SUPT3H: variants seen among roughly 807,000 people sequenced by gnomAD.
The protein encoded by SUPT3H is transcription initiation protein SPT3 homolog.
Under a neutral mutation model 44.3 loss-of-function variants are expected in SUPT3H, and 44 were observed. The ratio of observed to expected loss-of-function variants is 0.99; its 90% CI spans 0.78 to 1.28. SUPT3H has a LOEUF of 1.28. Ranked by LOEUF, SUPT3H falls within the 50% of genes most tolerant of loss-of-function variation. The probability of loss-of-function intolerance (pLI) is 0.00; values close to 1 mark genes in which losing one functional copy is unlikely to be tolerated. For synonymous variants in SUPT3H, 124 were observed against 125.6 expected (o/e 0.99, Z 0.09); for missense variants, 380 against 387.1 (o/e 0.98, Z 0.15).
intron 2 of SUPT3H, among the ~76,000 whole-genome samples, chr6:45,153,794 A>G (rs1285027): frequency 0.86 from 130,001 of 152,028 alleles, 55,900 homozygotes; most frequent in African/African-American, 0.91. Context: ...TAGGCCGGGC[A>G]CGGTGGCTCA....
chr6:44,867,963 G>GT (rs1371528399), intron 10 of SUPT3H, among the ~76,000 whole-genome samples: 5 of 75,960 alleles, frequency 6.6e-5, no homozygotes, highest in Non-Finnish European at 8.5e-5. Flanking sequence ...AACCATTTTG[G>GT]TATTTTTTTT....
At chr6:45,282,946 A>G (rs1276176855) in intron 2 of SUPT3H, among the ~76,000 whole-genome samples, 1 of 152,214 alleles carries the variant, frequency 6.6e-6, no homozygotes, top group African/African-American at 2.4e-5. Context: ...TTCTTAAGGA[A>G]AAGAATTTTT....
intron 2 of SUPT3H, among the ~76,000 whole-genome samples, chr6:45,110,504 C>G (rs1212563961): frequency 6.6e-6 from 1 of 151,900 alleles, no homozygotes; most frequent in East Asian, 1.9e-4. Flanking sequence ...CAATAAACGT[C>G]TAGTCATTTT....
intron 2 of SUPT3H, among the ~76,000 whole-genome samples, chr6:45,124,579 A>T (rs918058756): frequency 5.3e-5 from 8 of 151,584 alleles, no homozygotes; most frequent in Non-Finnish European, 4.4e-5. Context: ...CGGGACGCGG[A>T]GGTTGCAGCA....
Position 45,340,338 on chromosome 6 carries a change from C to T in SUPT3H, c.101+24863G>A, listed in dbSNP as rs182123044. Among the ~76,000 whole-genome samples the T allele has an allele frequency of 1.6e-3, 240 of 152,038 alleles. 2 individuals are homozygous for T. Among genetic ancestry groups the T allele is most frequent in the African/African-American group, 5.4e-3 (223 of 41,492 alleles). On this transcript the variant is annotated intron_variant, in intron 2 of 10. Transcript: ENST00000371459. ...GTGAGGTTTGTTAAGCCCCCTTCCCCCTCAAGACAAGGTCTCACTCTGTCA... is the reference window on the plus strand; with the variant it reads ...GTGAGGTTTGTTAAGCCCCCTTCCCTCTCAAGACAAGGTCTCACTCTGTCA...
intron 3 of SUPT3H, among the ~76,000 whole-genome samples, chr6:45,104,754 T>A (rs1353531600): frequency 2.0e-5 from 3 of 151,910 alleles, no homozygotes; most frequent in Non-Finnish European, 4.4e-5. Context: ...AAGAAAAATA[T>A]TAAAACACAA....
intron 1 of SUPT3H, among the ~76,000 whole-genome samples, chr6:45,367,229 C>G (rs1268484701): frequency 5.3e-5 from 8 of 152,064 alleles, no homozygotes; most frequent in Admixed American, 2.0e-4. Flanking sequence ...CAGGCCAAAA[C>G]CACTATACCA....
chr6:44,969,459 A>C (rs1358063539), intron 6 of SUPT3H, among the ~76,000 whole-genome samples: 1 of 151,052 alleles, frequency 6.6e-6, no homozygotes, highest in Non-Finnish European at 1.5e-5. Context: ...AAAAGTAAAG[A>C]AATCTTCTTT....
chr6:45,213,574 A>C (rs1463215192), intron 2 of SUPT3H, among the ~76,000 whole-genome samples: 1 of 152,158 alleles, frequency 6.6e-6, no homozygotes, highest in African/African-American at 2.4e-5. Flanking sequence ...TAAATAAGAG[A>C]ATGAACAAAA....
chr6:45,121,846 T>C (rs926351145), intron 2 of SUPT3H, among the ~76,000 whole-genome samples: 2 of 151,946 alleles, frequency 1.3e-5, no homozygotes, highest in African/African-American at 4.8e-5. Context: ...CAGCTAATTT[T>C]TGTGTTTTTT....
chr6:44,939,832 T>C (rs1237223498), intron 9 of SUPT3H, among the ~76,000 whole-genome samples: 2 of 152,142 alleles, frequency 1.3e-5, no homozygotes, highest in Non-Finnish European at 2.9e-5. Context: ...GTTTTCTACT[T>C]TGTGAGTGTA....
chr6:45,041,094 C>T lies in SUPT3H; in HGVS notation c.187-20462G>A, dbSNP rs1788465841. ...TGCCCACTACACACTAAACACTGTG[C>T]TAGGAGCTAGGGTGCCATCGTGATA... is the stretch of plus-strand genomic sequence containing the variant. On this transcript the variant is annotated intron_variant, in intron 3 of 10. Transcript: ENST00000371459. Among the ~76,000 whole-genome samples the T allele has an allele frequency of 3.3e-5, 5 of 152,134 alleles. No homozygotes were observed. In the South Asian group the frequency reaches 1.0e-3, roughly 31 times the overall value.
chr6:45,204,250 A>G lies in SUPT3H; in HGVS notation c.102-98244T>C, dbSNP rs200389257. Reference sequence around the variant, plus strand: ...TGACAGAGCAAGATTCCGTCTCAAAAAAGAAGAAGAAGAAGAAGAAGAAGA... The same window carrying G: ...TGACAGAGCAAGATTCCGTCTCAAAGAAGAAGAAGAAGAAGAAGAAGAAGA... On this transcript the variant is annotated intron_variant, in intron 2 of 10. Coordinates refer to ENST00000371459, the MANE Select transcript of SUPT3H (RefSeq NM_003599.4). 1.1e-3 allele frequency among the ~76,000 whole-genome samples: 151 copies of G among 143,080 alleles called. 2 individuals are homozygous for G. Among genetic ancestry groups the G allele is most frequent in the African/African-American group, 3.9e-3 (147 of 37,874 alleles). The allele number at this position is 143,080 out of a possible 152,430, so 93.9% of individuals were successfully genotyped here.
intron 3 of SUPT3H, among the ~76,000 whole-genome samples, chr6:45,050,586 C>A (rs1002282059): frequency 6.6e-6 from 1 of 152,004 alleles, no homozygotes; most frequent in South Asian, 2.1e-4. Flanking sequence ...GTCTCCACTG[C>A]AGTATTCAGT....
At chr6:44,874,838 G>C (rs1326484570) in intron 10 of SUPT3H, among the ~76,000 whole-genome samples, 2 of 144,292 alleles carry the variant, frequency 1.4e-5, no homozygotes, top group African/African-American at 2.7e-5. Flanking sequence ...AAAATCACAA[G>C]CATTCTTATA....
intron 3 of SUPT3H, among the ~76,000 whole-genome samples, chr6:45,069,654 A>G (rs1329125750): frequency 6.6e-6 from 1 of 152,214 alleles, no homozygotes; most frequent in Admixed American, 6.5e-5. Flanking sequence ...TAACTGCTTA[A>G]GCATTATACT....
chr6:45,290,792 T>C (rs973747036), intron 2 of SUPT3H, among the ~76,000 whole-genome samples: 4 of 152,126 alleles, frequency 2.6e-5, no homozygotes, highest in Non-Finnish European at 4.4e-5. Context: ...GTACTAAGTA[T>C]CCCACAGTAT....
At chr6:45,079,688 T>TAC (rs1795524757) in intron 3 of SUPT3H, among the ~76,000 whole-genome samples, 1 of 152,104 alleles carries the variant, frequency 6.6e-6, no homozygotes, top group Non-Finnish European at 1.5e-5. Flanking sequence ...GCCAAGAACA[T>TAC]ACATTGGGCA....
At chr6:45,246,167 A>T (rs1274802256) in intron 2 of SUPT3H, among the ~76,000 whole-genome samples, 3 of 151,970 alleles carry the variant, frequency 2.0e-5, no homozygotes, top group Non-Finnish European at 1.5e-5. Context: ...TGTATTCTGG[A>T]TATTAACCCC....
Sources: gnomAD v4.1 joint callset for allele counts (sites outside exome capture counted in the v4.1 genomes callset) on GRCh38, gnomAD v4.1.1 for gene constraint, MANE v1.5 for transcripts, NCBI Gene and HGNC (gene_info 2026-07-23, HGNC 2026-07-21) for gene names.